TMEM114: variants seen among roughly 807,000 people sequenced by gnomAD.
TMEM114 encodes the protein transmembrane protein 114.
A neutral mutation model predicts 6.2 loss-of-function variants in TMEM114; 6 were observed. The observed-to-expected ratio is 0.97, with a 90% confidence interval of 0.53 to 1.91. TMEM114 has a LOEUF of 1.91. Ranked by LOEUF, TMEM114 falls within the 40% of genes most tolerant of loss-of-function variation. The probability of loss-of-function intolerance (pLI) is 0.01; values close to 1 mark genes in which losing one functional copy is unlikely to be tolerated. For synonymous variants in TMEM114, 104 were observed against 73.0 expected, an observed-to-expected ratio of 1.42 and a Z score of -2.16; for missense variants, 218 against 158.3, an observed-to-expected ratio of 1.38 and a Z score of -2.02.
intron 2 of TMEM114, among the ~76,000 whole-genome samples, chr16:8,564,458 T>G (rs1275416470): frequency 7.3e-6 from 1 of 136,396 alleles, no homozygotes; most frequent in Non-Finnish European, 1.6e-5. Flanking sequence ...AGTGAGTGAG[T>G]AAATGAGTGA....
chr16:8,550,685 CAAAAAAAAAA>C (rs1218385833), intron 2 of TMEM114, among the ~76,000 whole-genome samples: 3 of 42,582 alleles, frequency 7.0e-5, no homozygotes, highest in African/African-American at 3.0e-4. Flanking sequence ...TCAAAAAAAA[CAAAAAAAAAA>C]AAACCAAAAA....
At chr16:8,582,177 A>G (rs1336952659) in intron 2 of TMEM114, among the ~76,000 whole-genome samples, 2 of 152,036 alleles carry the variant, frequency 1.3e-5, no homozygotes, top group Non-Finnish European at 2.9e-5. Flanking sequence ...TTCAGCTTCC[A>G]CCGCGGGCAT....
chr16:8,571,813 C>A (rs987955067), intron 3 of TMEM114, among the ~76,000 whole-genome samples: 1 of 152,154 alleles, frequency 6.6e-6, no homozygotes, highest in Non-Finnish European at 1.5e-5. Context: ...GAAGCTATCA[C>A]GAGTTTGGGC....
chr16:8,570,714 A>T (rs561138282), intron 3 of TMEM114, among the ~76,000 whole-genome samples: 2 of 152,196 alleles, frequency 1.3e-5, no homozygotes, highest in Non-Finnish European at 2.9e-5. Flanking sequence ...TCAATTCCCC[A>T]GCACCGAGAA....
intron 2 of TMEM114, among the ~76,000 whole-genome samples, chr16:8,563,301 ATGAG>A (rs1226281315): frequency 3.9e-4 from 56 of 141,970 alleles, no homozygotes; most frequent in Admixed American, 2.8e-4. Context: ...GAGTGAATAA[ATGAG>A]TGAGTGAGGG....
chr16:8,574,516 A>G (rs1901847765), intron 2 of TMEM114, among the ~76,000 whole-genome samples: 1 of 151,994 alleles, frequency 6.6e-6, no homozygotes, highest in Non-Finnish European at 1.5e-5. Flanking sequence ...CTGTGATAAA[A>G]TGTGATTACA....
chr16:8,569,661 C>G lies in TMEM114; in HGVS notation c.*112G>C. On this transcript the variant is annotated 3_prime_UTR_variant, in exon 4 of 4. Transcript: ENST00000620492. ...GATTTGTGGGGGAAGGAGGGGGGTG[C>G]CTGGCCTCCCCGAGTGGCCTTTGAG... The G allele has an allele frequency of 6.9e-7, 1 of 1,442,950 alleles. No individual in the cohort carries two copies. Among genetic ancestry groups the G allele is most frequent in the Non-Finnish European group, 9.1e-7 (1 of 1,101,932 alleles). The allele number at this position is 1,442,950 out of a possible 1,614,324, so 89.4% of individuals were successfully genotyped here.
At chr16:8,578,331 G>A (rs566188099) in intron 2 of TMEM114, among the ~76,000 whole-genome samples, 5 of 152,162 alleles carry the variant, frequency 3.3e-5, no homozygotes, top group Admixed American at 2.0e-4. Context: ...ATCCTTCCCC[G>A]CCTCTCTTAT....
chr16:8,557,810 G>A (rs1017703470), intron 2 of TMEM114, among the ~76,000 whole-genome samples: 9 of 152,188 alleles, frequency 5.9e-5, no homozygotes, highest in African/African-American at 7.2e-5. Context: ...ATCTGGTAAC[G>A]TGAGCTGTTA....
intron 2 of TMEM114, among the ~76,000 whole-genome samples, chr16:8,563,425 ATGAG>A (rs1567202963): frequency 8.0e-6 from 1 of 125,158 alleles, no homozygotes; most frequent in Admixed American, 7.9e-5. Flanking sequence ...TAGTGAGTGA[ATGAG>A]TGAGGCAATG....
chr16:8,580,894 G>A (rs1902124831), intron 2 of TMEM114, among the ~76,000 whole-genome samples: 1 of 152,114 alleles, frequency 6.6e-6, no homozygotes, highest in African/African-American at 2.4e-5. Context: ...GTTTCACCAT[G>A]TTGCCCAGAC....
At chr16:8,563,873 G>GTGAGTGAGTGAA (rs1189040805) in intron 2 of TMEM114, among the ~76,000 whole-genome samples, 7 of 149,798 alleles carry the variant, frequency 4.7e-5, no homozygotes, top group Admixed American at 1.3e-4. Flanking sequence ...GAGTGAATGA[G>GTGAGTGAGTGAA]TGAGTGAGTG....
intron 2 of TMEM114, among the ~76,000 whole-genome samples, chr16:8,559,622 G>C (rs1218466255): frequency 6.6e-6 from 1 of 152,174 alleles, no homozygotes. Flanking sequence ...TTTCTCTTGT[G>C]GGCTCTGAGT....
chr16:8,561,426 G>T (rs755864526), intron 2 of TMEM114, among the ~76,000 whole-genome samples: 64 of 152,202 alleles, frequency 4.2e-4, no homozygotes, highest in Non-Finnish European at 7.8e-4. Context: ...CACCAGCCAT[G>T]TTTACTGTCT....
downstream of TMEM114, among the ~76,000 whole-genome samples, chr16:8,535,222 G>A (rs1291527713): frequency 6.7e-6 from 1 of 149,752 alleles, no homozygotes; most frequent in African/African-American, 2.4e-5. Context: ...AGATACTAAG[G>A]CACTAGGAAG....
chr16:8,561,907 A>T (rs559613674), intron 2 of TMEM114, among the ~76,000 whole-genome samples: 12 of 146,162 alleles, frequency 8.2e-5, no homozygotes, highest in African/African-American at 2.5e-4. Context: ...TAAATGAGTG[A>T]ATGAATGAGT....
At chr16:8,567,204 C>G (rs947483867), downstream of TMEM114, among the ~76,000 whole-genome samples, 1 of 152,022 alleles carries the variant, frequency 6.6e-6, no homozygotes, top group Admixed American at 6.6e-5. Context: ...CCATGGCGCC[C>G]GGCCTCATCA....
intron 2 of TMEM114, among the ~76,000 whole-genome samples, chr16:8,550,013 C>T (rs190140494): frequency 3.9e-5 from 6 of 152,280 alleles, no homozygotes; most frequent in Non-Finnish European, 7.4e-5. Flanking sequence ...CCCAAGATCC[C>T]CTGGCAAACC....
At chr16:8,529,586 G>C in the TMEM114 span, among the ~76,000 whole-genome samples, 5 of 152,116 alleles carry the variant, frequency 3.3e-5, no homozygotes, top group East Asian at 3.9e-4. Flanking sequence ...AACTGAATTG[G>C]AATAGGTAGG....
Sources: allele counts gnomAD v4.1 joint callset (sites outside exome capture counted in the v4.1 genomes callset), GRCh38; gene constraint gnomAD v4.1.1; transcripts MANE v1.5; gene names NCBI Gene and HGNC (gene_info 2026-07-23, HGNC 2026-07-21).